LRBA: variants seen among roughly 807,000 people sequenced by gnomAD.
LRBA encodes lipopolysaccharide-responsive and beige-like anchor protein.
A neutral mutation model predicts 330.0 loss-of-function variants in LRBA; 176 were observed. That is an observed-to-expected ratio of 0.53 (90% CI 0.47 to 0.60). LRBA has a LOEUF of 0.60. Among genes scored for constraint, LRBA ranks in the 20% least tolerant of loss-of-function variants. The probability of loss-of-function intolerance (pLI) is 0.00; values close to 1 mark genes in which losing one functional copy is unlikely to be tolerated. For synonymous variants in LRBA, 1,230 were observed against 1,193.0 expected, an observed-to-expected ratio of 1.03 and a Z score of -0.64; for missense variants, 3,259 against 3,444.8, an observed-to-expected ratio of 0.95 and a Z score of 1.35.
chr4:150,789,087 T>C (rs929120201), intron 34 of LRBA, among the ~76,000 whole-genome samples: 1 of 151,956 alleles, frequency 6.6e-6, no homozygotes, highest in African/African-American at 2.4e-5. Flanking sequence ...AAAATATATA[T>C]ATATATTCAA....
intron 37 of LRBA, among the ~76,000 whole-genome samples, chr4:150,649,823 T>C (rs1779543042): frequency 6.6e-6 from 1 of 152,160 alleles, no homozygotes; most frequent in Admixed American, 6.6e-5. Flanking sequence ...CAATACATAT[T>C]TTTTAATGAA....
chr4:150,626,891 C>G (rs1214060324), intron 37 of LRBA, among the ~76,000 whole-genome samples: 2 of 152,022 alleles, frequency 1.3e-5, no homozygotes, highest in African/African-American at 4.8e-5. Context: ...ACAATACATT[C>G]TTTTTTAAAA....
intron 2 of LRBA, among the ~76,000 whole-genome samples, chr4:150,997,069 C>T (rs1742737863): frequency 6.6e-6 from 1 of 151,954 alleles, no homozygotes. Flanking sequence ...AATTTAAGTT[C>T]AGGATACATG....
intron 37 of LRBA, among the ~76,000 whole-genome samples, chr4:150,612,773 A>G (rs1775399738): frequency 6.6e-6 from 1 of 152,224 alleles, no homozygotes; most frequent in South Asian, 2.1e-4. Context: ...CTTAAAATCT[A>G]ATAAATGGGA....
chr4:150,775,941 GA>G (rs887735657), intron 34 of LRBA, among the ~76,000 whole-genome samples: 4 of 149,424 alleles, frequency 2.7e-5, no homozygotes, highest in African/African-American at 9.9e-5. Flanking sequence ...AAAGAGGGGA[GA>G]AAAAAAAGAA....
In LRBA at chr4:151,003,391, G is replaced by A. The variant is rs545547940; in HGVS notation, c.216+11036C>T. On this transcript the variant is annotated intron_variant, in intron 2 of 56. Transcript: ENST00000651943. ...CAGCCTGGGTGAAAGCATGAGATTC[G>A]GTTTCAAAAAAAAAAAAAAAAACAA... Among the ~76,000 whole-genome samples the A allele has an allele frequency of 1.9e-4, 11 of 57,174 alleles. No homozygotes were observed. In the South Asian group the frequency reaches 3.8e-3, roughly 20 times the overall value. The allele number at this position is 57,174 out of a possible 152,430, so 37.5% of individuals were successfully genotyped here.
At chr4:150,324,816 T>A (rs1311512176) in intron 49 of LRBA, among the ~76,000 whole-genome samples, 2 of 152,208 alleles carry the variant, frequency 1.3e-5, no homozygotes, top group African/African-American at 4.8e-5. Context: ...AATGAGCAAC[T>A]TCTTTTTATG....
intron 40 of LRBA, chr4:150,584,245 CATTA>C: frequency 2.0e-6 from 2 of 986,444 alleles, no homozygotes; most frequent in African/African-American, 1.6e-5. Context: ...AGAAGACCTT[CATTA>C]ATTAAGAAGC....
intron 43 of LRBA, among the ~76,000 whole-genome samples, chr4:150,469,090 A>G (rs1161530175): frequency 6.6e-6 from 1 of 152,148 alleles, no homozygotes; most frequent in Non-Finnish European, 1.5e-5. Flanking sequence ...GTTGGTAAAC[A>G]GTAAAATCGT....
intron 2 of LRBA, among the ~76,000 whole-genome samples, chr4:150,996,069 C>CAAAAAAAAA (rs34323309): frequency 8.0e-6 from 1 of 125,232 alleles, no homozygotes. Flanking sequence ...CAACAACAAC[C>CAAAAAAAAA]AAAAAAAAAA....
intron 33 of LRBA, among the ~76,000 whole-genome samples, chr4:150,805,474 A>AAAGGAAAGGAAAGGAAAGGAAAGGAG (rs1742560844): frequency 7.3e-6 from 1 of 137,652 alleles, no homozygotes; most frequent in Non-Finnish European, 1.6e-5. Context: ...AAAGGAAAGG[A>AAAGGAAAGGAAAGGAAAGGAAAGGAG]AAGGAAAGGA....
chr4:150,442,557 G>A (rs571250759), intron 44 of LRBA, among the ~76,000 whole-genome samples: 10 of 152,206 alleles, frequency 6.6e-5, no homozygotes, highest in South Asian at 2.1e-4. Flanking sequence ...CTTTAATTTC[G>A]TGATGACAGA....
At chr4:150,905,774 A>C (rs1420331368) in intron 13 of LRBA, 64 bp downstream of exon 13, 1 of 1,361,052 alleles carries the variant, frequency 7.3e-7, no homozygotes, top group Non-Finnish European at 1.0e-6. Flanking sequence ...CTTAATTATC[A>C]CTCTCCTCAC....
At chr4:150,775,622 G>C (rs1737196172) in intron 34 of LRBA, among the ~76,000 whole-genome samples, 1 of 151,892 alleles carries the variant, frequency 6.6e-6, no homozygotes, top group Non-Finnish European at 1.5e-5. Context: ...ATAGGAAAAA[G>C]GGGACTCTAG....
At chr4:150,282,820 G>A (rs537228668) in intron 54 of LRBA, among the ~76,000 whole-genome samples, 174 bp from the exon 55 acceptor site, 1 of 152,260 alleles carries the variant, frequency 6.6e-6, no homozygotes, top group South Asian at 2.1e-4. Flanking sequence ...CTTCATGTTT[G>A]CCAGATCTCA....
chr4:150,597,983 G>C (rs1327875343), intron 38 of LRBA, among the ~76,000 whole-genome samples: 1 of 152,104 alleles, frequency 6.6e-6, no homozygotes, highest in Non-Finnish European at 1.5e-5. Flanking sequence ...TTTTCTTCCA[G>C]AAATGGCTCT....
intron 40 of LRBA, among the ~76,000 whole-genome samples, chr4:150,502,114 G>C (rs1327268455): frequency 4.6e-5 from 7 of 152,306 alleles, no homozygotes; most frequent in Non-Finnish European, 1.5e-5. Context: ...CTTCAGCTGA[G>C]TACTGACCAA....
At chr4:150,746,646 G>A (rs1732774224) in intron 35 of LRBA, among the ~76,000 whole-genome samples, 1 of 151,796 alleles carries the variant, frequency 6.6e-6, no homozygotes, top group South Asian at 2.1e-4. Flanking sequence ...GAGTAGCTGG[G>A]ACTACCAGAG....
chr4:150,616,102 A>G (rs1443680200), intron 37 of LRBA, among the ~76,000 whole-genome samples: 1 of 152,218 alleles, frequency 6.6e-6, no homozygotes, highest in South Asian at 2.1e-4. Context: ...CACTGCCCAA[A>G]CTAACACAGA....
Sources: allele counts gnomAD v4.1 joint callset (sites outside exome capture counted in the v4.1 genomes callset), GRCh38; gene constraint gnomAD v4.1.1; transcripts MANE v1.5; gene names NCBI Gene and HGNC (gene_info 2026-07-23, HGNC 2026-07-21).